Variants in EXOSC2 observed in about 807,000 individuals in gnomAD.
EXOSC2 encodes the protein exosome component 2.
A neutral mutation model predicts 37.6 loss-of-function variants in EXOSC2; 29 were observed. That is an observed-to-expected ratio of 0.77 (90% CI 0.57 to 1.05). The LOEUF (loss-of-function observed/expected upper bound fraction) is 1.05. Ranked by LOEUF, EXOSC2 falls within the 50% of genes least tolerant of loss-of-function variation. The probability of loss-of-function intolerance (pLI) is 0.00; values close to 1 mark genes in which losing one functional copy is unlikely to be tolerated. For missense variants in EXOSC2, 346 were observed against 365.6 expected, an observed-to-expected ratio of 0.95 and a Z score of 0.44; for synonymous variants, 119 against 131.1, an observed-to-expected ratio of 0.91 and a Z score of 0.63.
chr9:130,695,681 C>A lies in EXOSC2; in HGVS notation c.224+88C>A. The A allele has an allele frequency of 8.5e-6, 9 of 1,063,944 alleles. 1 individual carries two copies. The South Asian group carries it at 1.2e-4, about 14-fold the overall frequency. 65.9% of individuals were successfully genotyped at this position (1,063,944 alleles called of 1,614,324 possible). ...TGCCCCCTCCTTATCCCCCACCCCA[C>A]CCCTGCCTGCCCTGTCATGCTGTAA... On this transcript the variant is annotated intron_variant, in intron 2 of 8. Transcript: ENST00000372358.
rs759215090 is a variant in EXOSC2 at position 130,693,814 on chromosome 9, C to T, written c.23C>T (p.Pro8Leu). 8 of 1,609,070 alleles carry T rather than the reference C, an allele frequency of 5.0e-6. No homozygotes were observed. Among genetic ancestry groups the T allele is most frequent in the Non-Finnish European group, 6.8e-6 (8 of 1,177,116 alleles). The change falls in exon 1 of 9, where the codon CCA becomes CTA. Residue 8 changes from proline to leucine, a missense_variant. By Grantham distance (98) the Pro-to-Leu change is moderately conservative. Transcript: ENST00000372358. The part of the protein sequence containing the change: MAMEMRL[P>L]VARKPLSERL... ...AAGATGGCGATGGAGATGAGGCTTC[C>T]AGTGGCTCGCAAGCCTCTTAGCGAG...
intron 2 of EXOSC2, 29 bp downstream of exon 2, chr9:130,695,622 C>T: frequency 6.3e-7 from 1 of 1,594,716 alleles, no homozygotes; most frequent in Non-Finnish European, 8.6e-7. Flanking sequence ...TATTCCCTTT[C>T]TTGCAGCATC....
Position 130,698,211 on chromosome 9 carries a change from T to C in EXOSC2, c.320T>C (p.Val107Ala). ...KVETNSRLDS[V>A]LLLSSMNLPG... ...GAGACCAACTCCAGGCTGGATTCGGTCTTGCTGCTCTCGTCCATGAACCTT... is the reference window on the plus strand; with the variant it reads ...GAGACCAACTCCAGGCTGGATTCGGCCTTGCTGCTCTCGTCCATGAACCTT... Residue 107 changes from valine to alanine, a missense_variant, in exon 4 of 9, where the codon GTC (valine) becomes GCC (alanine). Physicochemically the swap from Val to Ala is moderately conservative, Grantham distance 64. Coordinates refer to ENST00000372358, the MANE Select transcript of EXOSC2 (RefSeq NM_014285.7). The surrounding 1 kb of genome is among the most constrained non-coding windows in gnomAD (Gnocchi z 4.1). The C allele has an allele frequency of 6.2e-7, 1 of 1,614,124 alleles. No homozygotes were observed. Among genetic ancestry groups the C allele is most frequent in the East Asian group, 2.2e-5 (1 of 44,876 alleles).
intron 6 of EXOSC2, 126 bp from the exon 7 acceptor site, chr9:130,702,008 A>C: frequency 6.8e-7 from 1 of 1,460,074 alleles, no homozygotes; most frequent in Non-Finnish European, 9.0e-7. Context: ...GTATGCATGT[A>C]GGCGACAGCA....
intron 5 of EXOSC2, 79 bp downstream of exon 5, chr9:130,699,473 A>G: frequency 7.3e-7 from 1 of 1,364,690 alleles, no homozygotes. Flanking sequence ...TATGTCTCTG[A>G]CGGAAGAACC....
At chr9:130,701,828 TTCC>T (rs1336911882) in intron 6 of EXOSC2, 1 of 1,120,782 alleles carries the variant, frequency 8.9e-7, no homozygotes, top group Non-Finnish European at 1.1e-6. Flanking sequence ...TCCAGCTCAC[TTCC>T]TCATTGGCTT....
In EXOSC2 at chr9:130,700,884, G is replaced by C. The variant is rs1831200895; in HGVS notation, c.444G>C (p.Val148=). Residue 148 remains valine, a synonymous_variant, in exon 6 of 9, where the codon GTG becomes GTC. Coordinates refer to ENST00000372358, the MANE Select transcript of EXOSC2 (RefSeq NM_014285.7). ...CTGGCCAGGCTGAGGTCCAGGCAGT[G>C]TTCTCTGACGGAGCTGTCTCTTTGC... ...GDLISAEVQA[V]FSDGAVSLHT... 1 of 1,613,968 alleles carries C rather than the reference G, an allele frequency of 6.2e-7. No individual in the cohort carries two copies. The highest frequency in any genetic ancestry group is 8.5e-7 in the Non-Finnish European group (1 of 1,180,010).
At chr9:130,701,972 G>A (rs1195416535) in intron 6 of EXOSC2, 162 bp from the exon 7 acceptor site, 32 of 1,427,984 alleles carry the variant, frequency 2.2e-5, no homozygotes, top group Middle Eastern at 2.5e-4. Flanking sequence ...GTCCCAAAGC[G>A]TTCTCTGCAA....
At chr9:130,703,379 G>A (rs1831261459) in intron 8 of EXOSC2, among the ~76,000 whole-genome samples, 198 bp downstream of exon 8, 2 of 152,204 alleles carry the variant, frequency 1.3e-5, no homozygotes. Context: ...TCAGTCTAAG[G>A]ATTTTGGGGC....
In EXOSC2 at chr9:130,704,341, CCAA is replaced by C. The variant is rs1186731330; in HGVS notation, c.*571_*573del. On this transcript the variant is annotated 3_prime_UTR_variant, in exon 9 of 9. Coordinates refer to ENST00000372358, the MANE Select transcript of EXOSC2 (RefSeq NM_014285.7). ...GGTCAATAGTTCGAGACCAGCCTGG[CCAA>C]CAAGGTGAAACCCCATCTCTACTAA... 2.0e-5 allele frequency: 3 copies of C among 152,274 alleles called. No individual in the cohort carries two copies. The highest frequency in any genetic ancestry group is 4.4e-5 in the Non-Finnish European group (3 of 68,148). 9.4% of individuals were successfully genotyped at this position (152,274 alleles called of 1,614,324 possible). A position where few individuals can be genotyped will look rare whatever the true frequency, so the allele number is the denominator to read the frequency against.
chr9:130,695,669 T>TC (rs1831077744), intron 2 of EXOSC2, 76 bp downstream of exon 2: 1 of 1,257,846 alleles, frequency 8.0e-7, no homozygotes, highest in African/African-American at 1.5e-5. Flanking sequence ...CCCCTCCTTA[T>TC]CCCCCACCCC....
In EXOSC2 at chr9:130,702,144, G is replaced by A. The variant is rs1264988233; in HGVS notation, c.506G>A (p.Gly169Glu). The change falls in exon 7 of 9, where the codon GGG becomes GAG. Residue 169 changes from glycine to glutamate, a missense_variant. Physicochemically the swap from Gly to Glu is moderately conservative, Grantham distance 98. Transcript: ENST00000372358. ...RSLKYGKLGQ[G>E]VLVQVSPSLV... ...GATATATTTCTTTAGCTAGGTCAGG[G>A]GGTTTTGGTCCAGGTTTCCCCCTCC... 6.2e-7 allele frequency: 1 copy of A among 1,613,852 alleles called. No homozygotes were observed. The highest frequency in any genetic ancestry group is 1.3e-5 in the African/African-American group (1 of 74,856).
At chr9:130,702,005 T>C in intron 6 of EXOSC2, 129 bp from the exon 7 acceptor site, 1 of 1,459,728 alleles carries the variant, frequency 6.9e-7, no homozygotes, top group South Asian at 1.5e-5. Context: ...TGTGTATGCA[T>C]GTAGGCGACA....
chr9:130,703,193 A>G lies in EXOSC2; in HGVS notation c.801+12A>G. On this transcript the variant is annotated intron_variant, in intron 8 of 8. Transcript: ENST00000372358. The stretch of plus-strand genomic sequence containing the variant: ...CCCTTCCACATCAGGTACTCTCCCC[A>G]GGGCCTCTCCCTTCTTCACTGATCT... 2 of 1,603,080 alleles carry G rather than the reference A, an allele frequency of 1.2e-6. No individual in the cohort carries two copies. The highest frequency in any genetic ancestry group is 1.1e-5 in the South Asian group (1 of 90,332).
At chr9:130,703,303 A>C in intron 8 of EXOSC2, 122 bp downstream of exon 8, 1 of 1,153,880 alleles carries the variant, frequency 8.7e-7, no homozygotes, top group South Asian at 1.6e-5. Flanking sequence ...ACTGGCCTGA[A>C]ACAGCCTTAA....
rs1246617928 is a variant in EXOSC2 at position 130,694,648 on chromosome 9, A to C, written c.122+735A>C. ...ATTATTATTATTTTTTTACTTGTAT[A>C]TGTACAAGGGGCACAGCATTCATAG... On this transcript the variant is annotated intron_variant, in intron 1 of 8. Coordinates refer to ENST00000372358, the MANE Select transcript of EXOSC2 (RefSeq NM_014285.7). The surrounding 1 kb of genome is among the most constrained non-coding windows in gnomAD (Gnocchi z 4.0). Among the ~76,000 whole-genome samples the C allele has an allele frequency of 6.6e-6, 1 of 152,186 alleles. No individual in the cohort carries two copies. Among genetic ancestry groups the C allele is most frequent in the African/African-American group, 2.4e-5 (1 of 41,422 alleles).
intron 5 of EXOSC2, among the ~76,000 whole-genome samples, chr9:130,700,127 G>A (rs763166134): frequency 2.2e-4 from 34 of 152,040 alleles, no homozygotes; most frequent in Non-Finnish European, 4.0e-4. Context: ...TTGGATTCAA[G>A]CAATTCTGCC....
intron 5 of EXOSC2, 134 bp from the exon 6 acceptor site, chr9:130,700,733 G>T: frequency 2.8e-6 from 2 of 716,652 alleles, no homozygotes; most frequent in Non-Finnish European, 4.8e-6. Context: ...ATGTGCTCTG[G>T]GTCAAAGATT....
chr9:130,699,181 A>G (rs779976702), intron 4 of EXOSC2, 148 bp from the exon 5 acceptor site: 24 of 751,494 alleles, frequency 3.2e-5, no homozygotes, highest in Middle Eastern at 2.4e-4. Flanking sequence ...ATTCCCCTCA[A>G]GTGGCTTGGG....
Sources: allele counts gnomAD v4.1 joint callset (sites outside exome capture counted in the v4.1 genomes callset), GRCh38; gene constraint gnomAD v4.1.1; non-coding constraint Gnocchi (gnomAD v3.1); transcripts MANE v1.5; gene names NCBI Gene and HGNC (gene_info 2026-07-23, HGNC 2026-07-21).